CACNA1C: variants seen among roughly 807,000 people sequenced by gnomAD.
CACNA1C encodes the protein voltage-dependent L-type calcium channel subunit alpha-1C.
CACNA1C carries 30 observed loss-of-function variants against 229.0 expected under a neutral mutation model. The observed-to-expected ratio is 0.13, with a 90% CI of 0.10 to 0.18. The LOEUF (loss-of-function observed/expected upper bound fraction) is 0.18. Ranked by LOEUF, CACNA1C falls within the 10% of genes least tolerant of loss-of-function variation. The pLI, the probability that CACNA1C is intolerant of heterozygous loss-of-function variation, is 1.00. For synonymous variants in CACNA1C, 1,114 were observed against 1,132.5 expected, an observed-to-expected ratio of 0.98 and a Z score of 0.33; for missense variants, 1,658 against 2,845.0, an observed-to-expected ratio of 0.58 and a Z score of 9.49.
intron 5 of CACNA1C, among the ~76,000 whole-genome samples, chr12:2,466,704 G>A (rs1308917587): frequency 6.6e-6 from 1 of 152,182 alleles, no homozygotes; most frequent in African/African-American, 2.4e-5. Flanking sequence ...CTCCAGCCCT[G>A]CATTCACCCG....
chr12:2,692,470 C>T lies in CACNA1C; in HGVS notation c.*1271C>T, dbSNP rs1280908865. On this transcript the variant is annotated 3_prime_UTR_variant, in exon 47 of 47. Transcript: ENST00000399655. Reference sequence around the variant, plus strand: ...CGTGCACACCAGTGACTACGCAGTCCCCCCTTTCTGGTTTAGCTGTGGGAA... The same window carrying T: ...CGTGCACACCAGTGACTACGCAGTCTCCCCTTTCTGGTTTAGCTGTGGGAA... 6.6e-6 allele frequency: 1 copy of T among 152,634 alleles called. No individual in the cohort carries two copies. The highest frequency in any genetic ancestry group is 1.5e-5 in the Non-Finnish European group (1 of 68,038). 9.5% of individuals were successfully genotyped at this position (152,634 alleles called of 1,614,324 possible).
intron 3 of CACNA1C, among the ~76,000 whole-genome samples, chr12:2,345,536 C>A (rs1323156703): frequency 6.6e-6 from 1 of 152,308 alleles, no homozygotes; most frequent in Admixed American, 6.5e-5. Context: ...TTGTTAATAT[C>A]TCCATTTCAC....
intron 37 of CACNA1C, among the ~76,000 whole-genome samples, chr12:2,667,283 C>G (rs571995220): frequency 3.2e-5 from 4 of 126,664 alleles, no homozygotes; most frequent in African/African-American, 1.5e-4. Flanking sequence ...ATGGCCACTC[C>G]ACGCTCCTTT....
intron 3 of CACNA1C, among the ~76,000 whole-genome samples, chr12:2,316,448 G>A (rs752058441): frequency 3.3e-5 from 5 of 152,180 alleles, no homozygotes; most frequent in Non-Finnish European, 5.9e-5. Context: ...GGTATCTACT[G>A]TATGCAGACA....
At position 2,605,251 on chromosome 12, in the gene CACNA1C, G is replaced by A; in HGVS notation, c.3048+83G>A. On this transcript the variant is annotated intron_variant, in intron 23 of 46. Transcript: ENST00000399655. The surrounding 1 kb of genome is among the most constrained non-coding windows in gnomAD (Gnocchi z 6.2). ...CACAGAGGTGAGGGGTGGGTTGGAA[G>A]GAGATGATGGTCAGACCAAGTGGCT... is the stretch of plus-strand genomic sequence containing the variant. The A allele has an allele frequency of 1.0e-6, 1 of 953,758 alleles. No individual in the cohort carries two copies. The highest frequency in any genetic ancestry group is 1.7e-6 in the Non-Finnish European group (1 of 594,836). 59.1% of individuals were successfully genotyped at this position (953,758 alleles called of 1,614,324 possible).
chr12:2,376,149 C>T (rs2098055820), intron 3 of CACNA1C, among the ~76,000 whole-genome samples: 2 of 152,162 alleles, frequency 1.3e-5, no homozygotes, highest in African/African-American at 2.4e-5. Context: ...AGGCCAGAGT[C>T]GCCCCTTCAG....
intron 9 of CACNA1C, among the ~76,000 whole-genome samples, chr12:2,517,070 C>T (rs962358511): frequency 3.3e-5 from 5 of 152,164 alleles, no homozygotes; most frequent in Non-Finnish European, 5.9e-5. Context: ...GGGGTGTGAG[C>T]GTTGCTGCTG....
At chr12:2,212,217 A>G (rs2097943745) in intron 3 of CACNA1C, among the ~76,000 whole-genome samples, 1 of 152,244 alleles carries the variant, frequency 6.6e-6, no homozygotes, top group African/African-American at 2.4e-5. Flanking sequence ...TGTTTCTTGC[A>G]CTGATAGCAA....
intron 11 of CACNA1C, among the ~76,000 whole-genome samples, chr12:2,562,449 T>A (rs2048010696): frequency 6.6e-6 from 1 of 152,226 alleles, no homozygotes; most frequent in South Asian, 2.1e-4. Context: ...TATGAGTTTG[T>A]CCTGAAAATT....
At chr12:2,489,240 T>C (rs1442234151) in intron 6 of CACNA1C, among the ~76,000 whole-genome samples, 1 of 152,258 alleles carries the variant, frequency 6.6e-6, no homozygotes, top group Non-Finnish European at 1.5e-5. Context: ...AAATTCTTTT[T>C]ATAGTCCAAT....
intron 1 of CACNA1C, among the ~76,000 whole-genome samples, chr12:2,040,651 A>G (rs2049926910): frequency 6.6e-6 from 1 of 152,248 alleles, no homozygotes; most frequent in Non-Finnish European, 1.5e-5. Context: ...CCAAAGAGGA[A>G]TAAAAGACAA....
At chr12:2,561,118 G>T (rs933537928) in intron 11 of CACNA1C, among the ~76,000 whole-genome samples, 2 of 152,182 alleles carry the variant, frequency 1.3e-5, no homozygotes, top group Non-Finnish European at 2.9e-5. Flanking sequence ...CATCAGCCAG[G>T]GGTTCCCGTG....
intron 1 of CACNA1C, among the ~76,000 whole-genome samples, chr12:2,081,298 C>T (rs567606733): frequency 2.8e-4 from 42 of 152,252 alleles, no homozygotes; most frequent in African/African-American, 7.5e-4. Context: ...CGGCCAGGTG[C>T]GGTGGCTCAC....
At chr12:2,263,599 AG>A (rs2081193935) in intron 3 of CACNA1C, among the ~76,000 whole-genome samples, 1 of 152,090 alleles carries the variant, frequency 6.6e-6, no homozygotes, top group Admixed American at 6.5e-5. Flanking sequence ...AGATGTTAGC[AG>A]CTTGGACCAG....
At chr12:2,444,594 A>C (rs1242858986) in intron 3 of CACNA1C, among the ~76,000 whole-genome samples, 1 of 151,990 alleles carries the variant, frequency 6.6e-6, no homozygotes, top group African/African-American at 2.4e-5. Flanking sequence ...CTGATCCCCA[A>C]TATCTCCACT....
chr12:2,038,989 T>C (rs574950091), intron 1 of CACNA1C, among the ~76,000 whole-genome samples: 267 of 151,732 alleles, frequency 1.8e-3, no homozygotes, highest in Middle Eastern at 3.5e-3. Context: ...AATGGGACAC[T>C]GTTAAATGCA....
At chr12:2,204,845 A>G (rs1161904172) in intron 3 of CACNA1C, among the ~76,000 whole-genome samples, 4 of 141,524 alleles carry the variant, frequency 2.8e-5, no homozygotes, top group African/African-American at 1.0e-4. Context: ...CTAATGCTAG[A>G]TGATGAGTTA....
At chr12:2,392,363 G>A (rs893195857) in intron 3 of CACNA1C, among the ~76,000 whole-genome samples, 13 of 152,052 alleles carry the variant, frequency 8.5e-5, no homozygotes, top group South Asian at 2.1e-4. Context: ...TTATGAGCTC[G>A]TTAGGGAAAT....
At chr12:2,490,981 A>T (rs1247075606) in intron 6 of CACNA1C, among the ~76,000 whole-genome samples, 1 of 152,224 alleles carries the variant, frequency 6.6e-6, no homozygotes, top group Non-Finnish European at 1.5e-5. Flanking sequence ...CAAACCTGGA[A>T]ATAATCCAGA....
Sources: allele counts gnomAD v4.1 joint callset (sites outside exome capture counted in the v4.1 genomes callset), GRCh38; gene constraint gnomAD v4.1.1; non-coding constraint Gnocchi (gnomAD v3.1); transcripts MANE v1.5; gene names NCBI Gene and HGNC (gene_info 2026-07-23, HGNC 2026-07-21).